Variants in POU4F2 observed in about 807,000 individuals in gnomAD.
POU4F2 encodes the protein POU domain, class 4, transcription factor 2.
In POU4F2, 10 loss-of-function variants were observed where a neutral mutation model predicts 21.5. The observed-to-expected ratio is 0.46, with a 90% CI of 0.29 to 0.79. POU4F2 has a LOEUF of 0.79. POU4F2 is among the 30% of genes least tolerant of loss of function. The pLI, the probability that POU4F2 is intolerant of heterozygous loss-of-function variation, is 0.10. For synonymous variants in POU4F2, 324 were observed against 271.1 expected, an observed-to-expected ratio of 1.20 and a Z score of -1.92; for missense variants, 623 against 603.3, an observed-to-expected ratio of 1.03 and a Z score of -0.34.
Position 146,642,383 on chromosome 4 carries a change from T to C in POU4F2, c.*1575T>C, listed in dbSNP as rs1381610700. ...ATTTATTTTTGGTGTTGTTCGATTG[T>C]CTTTCATTGAAGAGATAATTTTAAT... On this transcript the variant is annotated 3_prime_UTR_variant, in exon 2 of 2. Transcript: ENST00000281321. The C allele has an allele frequency of 6.6e-6, 1 of 152,228 alleles. No individual in the cohort carries two copies. Among genetic ancestry groups the C allele is most frequent in the Admixed American group, 6.5e-5 (1 of 15,282 alleles). 9.4% of individuals were successfully genotyped at this position (152,228 alleles called of 1,614,324 possible). A position where few individuals can be genotyped will look rare whatever the true frequency, so the allele number is the denominator to read the frequency against.
In POU4F2 at chr4:146,641,026, TTGTC is replaced by T. The variant is rs1740877627; in HGVS notation, c.*222_*225del. ...AGGAAAGAATAACAAAAGATGGTAT[TTGTC>T]TGTTGTAGCAAAGTTGTCCCTTTGA... On this transcript the variant is annotated 3_prime_UTR_variant, in exon 2 of 2. Coordinates refer to ENST00000281321, the MANE Select transcript of POU4F2 (RefSeq NM_004575.3). 1.9e-6 allele frequency: 1 copy of T among 520,534 alleles called. No individual in the cohort carries two copies. Among genetic ancestry groups the T allele is most frequent in the Non-Finnish European group, 3.2e-6 (1 of 312,226 alleles). The allele number at this position is 520,534 out of a possible 1,614,324, so 32.2% of individuals were successfully genotyped here.
chr4:146,642,372 T>G lies in POU4F2; in HGVS notation c.*1564T>G, dbSNP rs1740903444. On this transcript the variant is annotated 3_prime_UTR_variant, in exon 2 of 2. Transcript: ENST00000281321. ...GTAATGTATTAATTTATTTTTGGTG[T>G]TGTTCGATTGTCTTTCATTGAAGAG... 1 of 152,254 alleles carries G rather than the reference T, an allele frequency of 6.6e-6. No individual in the cohort carries two copies. The highest frequency in any genetic ancestry group is 1.5e-5 in the Non-Finnish European group (1 of 68,040). The allele number at this position is 152,254 out of a possible 1,614,324, so 9.4% of individuals were successfully genotyped here.
chr4:146,639,144 A>T lies in POU4F2; in HGVS notation c.4A>T (p.Met2Leu). ...CAGCGCCCCGGCGGGCGGGAAGATG[A>T]TGATGATGTCCCTGAACAGCAAGCA... M[M>L]MMSLNSKQAF... Residue 2 changes from methionine to leucine, a missense_variant, in exon 1 of 2, where the codon ATG becomes TTG. This residue lies in a region of POU4F2 where 94 missense variants were observed against 74.1 expected (regional missense o/e 1.27). Transcript: ENST00000281321. 1.2e-6 allele frequency: 2 copies of T among 1,603,652 alleles called. No homozygotes were observed. The highest frequency in any genetic ancestry group is 2.2e-5 in the South Asian group (2 of 89,644).
In POU4F2 at chr4:146,640,930, G is replaced by A. The variant is rs1170497189; in HGVS notation, c.*122G>A. ...CAGTAAATGTGAATCTCGACAAATC[G>A]AGGACTGAAGAGGGAGCGAACGAGC... is the stretch of plus-strand genomic sequence containing the variant. On this transcript the variant is annotated 3_prime_UTR_variant, in exon 2 of 2. Coordinates refer to ENST00000281321, the MANE Select transcript of POU4F2 (RefSeq NM_004575.3). The surrounding 1 kb of genome is among the most constrained non-coding windows in gnomAD (Gnocchi z 4.8). 6 of 1,067,190 alleles carry A rather than the reference G, an allele frequency of 5.6e-6. No homozygotes were observed. In the Admixed American group the frequency reaches 1.9e-4, roughly 34 times the overall value. 66.1% of individuals were successfully genotyped at this position (1,067,190 alleles called of 1,614,324 possible). A position where few individuals can be genotyped will look rare whatever the true frequency, so the allele number is the denominator to read the frequency against.
chr4:146,641,038 G>A lies in POU4F2; in HGVS notation c.*230G>A. The stretch of plus-strand genomic sequence containing the variant: ...CAAAAGATGGTATTTGTCTGTTGTA[G>A]CAAAGTTGTCCCTTTGAACCCCACC... On this transcript the variant is annotated 3_prime_UTR_variant, in exon 2 of 2. Coordinates refer to ENST00000281321, the MANE Select transcript of POU4F2 (RefSeq NM_004575.3). The A allele has an allele frequency of 2.1e-6, 1 of 483,852 alleles. No individual in the cohort carries two copies. Among genetic ancestry groups the A allele is most frequent in the East Asian group, 3.7e-5 (1 of 27,184 alleles). 30.0% of individuals were successfully genotyped at this position (483,852 alleles called of 1,614,324 possible). A position where few individuals can be genotyped will look rare whatever the true frequency, so the allele number is the denominator to read the frequency against.
chr4:146,639,452 G>A lies in POU4F2; in HGVS notation c.288+24G>A, dbSNP rs752190906. ...CGGTGCGTATTTCTGCATAATCACC[G>A]CTTAAAGGCACATTTTGACAGCCCC... On this transcript the variant is annotated intron_variant, in intron 1 of 1. Coordinates refer to ENST00000281321, the MANE Select transcript of POU4F2 (RefSeq NM_004575.3). The A allele has an allele frequency of 1.1e-5, 16 of 1,451,462 alleles. 1 individual carries two copies. In the South Asian group the frequency reaches 2.6e-4, roughly 23 times the overall value. 89.9% of individuals were successfully genotyped at this position (1,451,462 alleles called of 1,614,324 possible).
Position 146,639,018 on chromosome 4 carries a change from GTGAGCTCAAC to G in POU4F2, c.-121_-112del. 9.4e-7 allele frequency: 1 copy of G among 1,062,796 alleles called. No homozygotes were observed. The highest frequency in any genetic ancestry group is 1.3e-6 in the Non-Finnish European group (1 of 771,852). 65.8% of individuals were successfully genotyped at this position (1,062,796 alleles called of 1,614,324 possible). A position where few individuals can be genotyped will look rare whatever the true frequency, so the allele number is the denominator to read the frequency against. Reference sequence around the variant, plus strand: ...GTACAGAGTCCGGAGGCGGCGGCGGGTGAGCTCAACTTCGCACAGCCCTTCCCAGCTCCAG... The same window carrying G: ...GTACAGAGTCCGGAGGCGGCGGCGGGTTCGCACAGCCCTTCCCAGCTCCAG... On this transcript the variant is annotated 5_prime_UTR_variant, in exon 1 of 2. Coordinates refer to ENST00000281321, the MANE Select transcript of POU4F2 (RefSeq NM_004575.3).
chr4:146,639,276 TC>T lies in POU4F2; in HGVS notation c.141del (p.Ser48AlafsTer98). The T allele has an allele frequency of 6.4e-7, 1 of 1,556,476 alleles. No homozygotes were observed. On this transcript the variant is annotated frameshift_variant, in exon 1 of 2. Coordinates refer to ENST00000281321, the MANE Select transcript of POU4F2 (RefSeq NM_004575.3). LOFTEE classifies it high-confidence loss of function. ...GGCTCCCATCGCGCCCTCGGCCAGC[TC>T]CCCCAGCAGCTCGAGCAACGCTGGT... ...SSAPIAPSAS[S>X]PSSSSNAGGG...
At position 146,639,305 on chromosome 4, in the gene POU4F2, TGGCGGCGGC is replaced by T. The variant is rs530695040; in HGVS notation, c.192_200del (p.Gly66_Gly68del). 134,351 of 1,306,168 alleles carry T rather than the reference TGGCGGCGGC, an allele frequency of 0.1. 6,586 individuals are homozygous for T. The highest frequency in any genetic ancestry group is 0.2 in the African/African-American group (12,725 of 64,924). 80.9% of individuals were successfully genotyped at this position (1,306,168 alleles called of 1,614,324 possible). ...CCAGCAGCTCGAGCAACGCTGGTGG[TGGCGGCGGC>T]GGCGGCGGCGGCGGCGGCGGCGGCG... On this transcript the variant is annotated inframe_deletion, in exon 1 of 2. Transcript: ENST00000281321.
In POU4F2 at chr4:146,640,004, C is replaced by T. The variant is rs1469911465; in HGVS notation, c.426C>T (p.Tyr142=). Residue 142 remains tyrosine (Y), a synonymous_variant, in exon 2 of 2, where the codon TAC becomes TAT. Transcript: ENST00000281321. The surrounding 1 kb of genome is among the most constrained non-coding windows in gnomAD (Gnocchi z 4.8). ...HHSPFKPDAT[Y]HTMNTIPCTS... is the part of the protein sequence containing the mutation. ...GCCCCTTCAAACCGGACGCCACCTA[C>T]CACACTATGAATACCATCCCGTGCA... The T allele has an allele frequency of 6.2e-7, 1 of 1,612,626 alleles. No individual in the cohort carries two copies.
In POU4F2 at chr4:146,640,172, C is replaced by T. The variant is rs1319080585; in HGVS notation, c.594C>T (p.Pro198=). 1.9e-6 allele frequency: 3 copies of T among 1,590,704 alleles called. No individual in the cohort carries two copies. The highest frequency in any genetic ancestry group is 1.7e-5 in the Admixed American group (1 of 58,400). The change falls in exon 2 of 2, where the codon CCC becomes CCT. Residue 198 remains proline (P), a synonymous_variant. Coordinates refer to ENST00000281321, the MANE Select transcript of POU4F2 (RefSeq NM_004575.3). The surrounding 1 kb of genome is among the most constrained non-coding windows in gnomAD (Gnocchi z 4.8). Reference sequence around the variant, plus strand: ...GCGAGCTGCTGGAGCACCTGAGTCCCGGGCTGGCCCTGGGCGCTATGGCGG... The same window carrying T: ...GCGAGCTGCTGGAGCACCTGAGTCCTGGGCTGGCCCTGGGCGCTATGGCGG... ...LEGELLEHLS[P]GLALGAMAGP...
At chr4:146,639,780 G>T (rs186442691) in intron 1 of POU4F2, 87 bp from the exon 2 acceptor site, 1 of 1,307,726 alleles carries the variant, frequency 7.6e-7, no homozygotes, top group East Asian at 2.5e-5. Flanking sequence ...GCGCGGCGAC[G>T]GTGTCGAGCC....
rs1223657893 is a variant in POU4F2 at position 146,639,015 on chromosome 4, C to T, written c.-126C>T. 2 of 1,245,280 alleles carry T rather than the reference C, an allele frequency of 1.6e-6. No homozygotes were observed. The highest frequency in any genetic ancestry group is 2.9e-5 in the East Asian group (1 of 34,100). 77.1% of individuals were successfully genotyped at this position (1,245,280 alleles called of 1,614,324 possible). A position where few individuals can be genotyped will look rare whatever the true frequency, so the allele number is the denominator to read the frequency against. On this transcript the variant is annotated 5_prime_UTR_variant, in exon 1 of 2. Coordinates refer to ENST00000281321, the MANE Select transcript of POU4F2 (RefSeq NM_004575.3). ...GGCGTACAGAGTCCGGAGGCGGCGG[C>T]GGGTGAGCTCAACTTCGCACAGCCC...
At chr4:146,639,472 A>T in intron 1 of POU4F2, 44 bp downstream of exon 1, 7 of 1,449,230 alleles carry the variant, frequency 4.8e-6, no homozygotes, top group Non-Finnish European at 6.3e-6. Context: ...ACATTTTGAC[A>T]GCCCCCTTTA....
At position 146,639,723 on chromosome 4, in the gene POU4F2, T is replaced by G. The variant is rs922375403; in HGVS notation, c.289-144T>G. The G allele has an allele frequency of 5.2e-6, 5 of 969,348 alleles. No homozygotes were observed. The Admixed American group carries it at 1.4e-4, about 27-fold the overall frequency. The allele number at this position is 969,348 out of a possible 1,614,324, so 60.0% of individuals were successfully genotyped here. A position where few individuals can be genotyped will look rare whatever the true frequency, so the allele number is the denominator to read the frequency against. ...CCCTCTTTTTCTCTTCACCTCTGTT[T>G]TCAGGATTATTATTATTATTATTTT... On this transcript the variant is annotated intron_variant, in intron 1 of 1. Transcript: ENST00000281321.
chr4:146,641,674 A>G lies in POU4F2; in HGVS notation c.*866A>G, dbSNP rs1740889582. 1 of 152,528 alleles carries G rather than the reference A, an allele frequency of 6.6e-6. No individual in the cohort carries two copies. The highest frequency in any genetic ancestry group is 2.4e-5 in the African/African-American group (1 of 41,416). 9.4% of individuals were successfully genotyped at this position (152,528 alleles called of 1,614,324 possible). On this transcript the variant is annotated 3_prime_UTR_variant, in exon 2 of 2. Coordinates refer to ENST00000281321, the MANE Select transcript of POU4F2 (RefSeq NM_004575.3). ...TGACCCATTTGTATATTCTCACTTGAATGAAGATTGTTTTTTTCTTTGTTT... is the reference window on the plus strand; with the variant it reads ...TGACCCATTTGTATATTCTCACTTGGATGAAGATTGTTTTTTTCTTTGTTT...
At position 146,640,394 on chromosome 4, in the gene POU4F2, G is replaced by A. The variant is rs769090250; in HGVS notation, c.816G>A (p.Leu272=). The A allele has an allele frequency of 1.9e-6, 3 of 1,608,148 alleles. No homozygotes were observed. The highest frequency in any genetic ancestry group is 1.1e-5 in the South Asian group (1 of 90,802). The stretch of plus-strand genomic sequence containing the variant: ...GCTTCAAGCAGCGACGCATCAAGCT[G>A]GGGGTGACCCAGGCAGATGTGGGCT... ...AERFKQRRIK[L]GVTQADVGSA... Residue 272 remains leucine (L), a synonymous_variant, in exon 2 of 2, where the codon CTG becomes CTA. Transcript: ENST00000281321. This position sits in a 1 kb window ranked among gnomAD's most constrained non-coding sequence, Gnocchi z 4.8.
chr4:146,642,109 AAGAC>A lies in POU4F2; in HGVS notation c.*1304_*1307del, dbSNP rs1406274140. The A allele has an allele frequency of 1.3e-5, 2 of 152,662 alleles. No homozygotes were observed. Among genetic ancestry groups the A allele is most frequent in the African/African-American group, 2.4e-5 (1 of 41,462 alleles). The allele number at this position is 152,662 out of a possible 1,614,324, so 9.5% of individuals were successfully genotyped here. A position where few individuals can be genotyped will look rare whatever the true frequency, so the allele number is the denominator to read the frequency against. Reference sequence around the variant, plus strand: ...AGAAAAACTAATTTGAACTATAAGAAAGACAGTGCACTGCTTGTAAATTCACATT... The same window carrying A: ...AGAAAAACTAATTTGAACTATAAGAAAGTGCACTGCTTGTAAATTCACATT... On this transcript the variant is annotated 3_prime_UTR_variant, in exon 2 of 2. Coordinates refer to ENST00000281321, the MANE Select transcript of POU4F2 (RefSeq NM_004575.3).
rs1213949956 is a variant in POU4F2 at position 146,641,936 on chromosome 4, G to A, written c.*1128G>A. On this transcript the variant is annotated 3_prime_UTR_variant, in exon 2 of 2. Transcript: ENST00000281321. ...AGCATGACCGATGCACCATTTTCTA[G>A]TTTTAGGTGCATTTGCCACTTGGTG... is the stretch of plus-strand genomic sequence containing the variant. 1.3e-5 allele frequency: 2 copies of A among 152,492 alleles called. No homozygotes were observed. The highest frequency in any genetic ancestry group is 2.9e-5 in the Non-Finnish European group (2 of 68,008). The allele number at this position is 152,492 out of a possible 1,614,324, so 9.4% of individuals were successfully genotyped here.
Sources: allele counts gnomAD v4.1 joint callset, GRCh38; gene constraint gnomAD v4.1.1; regional missense constraint gnomAD v4.1.1; non-coding constraint Gnocchi (gnomAD v3.1); transcripts MANE v1.5; gene names NCBI Gene and HGNC (gene_info 2026-07-23, HGNC 2026-07-21).